Variants in RAPGEF4 observed in about 807,000 individuals in gnomAD.
The protein encoded by RAPGEF4 is Rap guanine nucleotide exchange factor 4.
In RAPGEF4, 66 loss-of-function variants were observed where a neutral mutation model predicts 147.9. The ratio of observed to expected loss-of-function variants is 0.45; its 90% CI spans 0.37 to 0.55. The LOEUF (loss-of-function observed/expected upper bound fraction) is 0.55, where lower values mean the gene tolerates loss of function less well. RAPGEF4 is among the 20% of genes least tolerant of loss of function. The pLI is 0.00. For missense variants in RAPGEF4, 1,071 were observed against 1,257.3 expected, an observed-to-expected ratio of 0.85 and a Z score of 2.24; for synonymous variants, 419 against 442.7, an observed-to-expected ratio of 0.95 and a Z score of 0.67.
At chr2:172,844,845 T>C (rs16860971) in intron 4 of RAPGEF4, among the ~76,000 whole-genome samples, 17,314 of 152,296 alleles carry the variant, frequency 0.11, 1,024 homozygotes, top group South Asian at 0.18. Flanking sequence ...TTTAATGTCA[T>C]CTACGATGTG....
chr2:172,798,274 AAAAG>A (rs1188741515), intron 3 of RAPGEF4, among the ~76,000 whole-genome samples: 9 of 152,248 alleles, frequency 5.9e-5, no homozygotes, highest in East Asian at 3.9e-4. Flanking sequence ...ACAAAATTAA[AAAAG>A]AAAGAAAGAA....
At chr2:172,791,249 A>C (rs1381770474) in intron 1 of RAPGEF4, among the ~76,000 whole-genome samples, 1 of 152,142 alleles carries the variant, frequency 6.6e-6, no homozygotes, top group African/African-American at 2.4e-5. Flanking sequence ...TGCTATTTAG[A>C]CCATAGCAGA....
rs146108925 is a variant in RAPGEF4, at chr2:172,989,942, A to T, written c.1375-868A>T. ...CTTGTGTCTGGACATCAATCCCTACATGGCCTTAAGCATTTGCCTTTGGTG... is the reference window on the plus strand; with the variant it reads ...CTTGTGTCTGGACATCAATCCCTACTTGGCCTTAAGCATTTGCCTTTGGTG... On this transcript the variant is annotated intron_variant, in intron 14 of 30. Coordinates refer to ENST00000397081, the MANE Select transcript of RAPGEF4 (RefSeq NM_007023.4). Among the ~76,000 whole-genome samples the T allele has an allele frequency of 4.4e-3, 666 of 150,672 alleles. 3 individuals are homozygous for T. Among genetic ancestry groups the T allele is most frequent in the Non-Finnish European group, 4.3e-3 (290 of 67,850 alleles).
intron 4 of RAPGEF4, among the ~76,000 whole-genome samples, chr2:172,906,175 T>C (rs1699608580): frequency 6.6e-6 from 1 of 152,224 alleles, no homozygotes; most frequent in African/African-American, 2.4e-5. Context: ...TTCTAAGCTA[T>C]TCTACTGTCT....
intron 26 of RAPGEF4, among the ~76,000 whole-genome samples, chr2:173,031,507 G>A (rs989782725): frequency 3.3e-5 from 5 of 152,184 alleles, no homozygotes; most frequent in African/African-American, 4.8e-5. Flanking sequence ...CTGCCACAGA[G>A]TCCAAATTAG....
chr2:173,008,226 C>A (rs1305552389), intron 17 of RAPGEF4, among the ~76,000 whole-genome samples: 1 of 152,146 alleles, frequency 6.6e-6, no homozygotes, highest in African/African-American at 2.4e-5. Context: ...TTTCCTGAGG[C>A]CTCCCCAGCC....
intron 13 of RAPGEF4, 30 bp downstream of exon 13, chr2:172,988,302 T>C (rs771122931): frequency 6.3e-7 from 1 of 1,589,398 alleles, no homozygotes; most frequent in East Asian, 2.3e-5. Flanking sequence ...TTTGAAACTT[T>C]ATTACGCTCC....
In RAPGEF4 at chr2:172,795,177, G is replaced by T; in HGVS notation, c.208+10G>T. 1 of 1,595,590 alleles carries T rather than the reference G, an allele frequency of 6.3e-7. No individual in the cohort carries two copies. Among genetic ancestry groups the T allele is most frequent in the Non-Finnish European group, 8.6e-7 (1 of 1,164,354 alleles). On this transcript the variant is annotated intron_variant, in intron 2 of 30. Transcript: ENST00000397081. ...GAAAAGGGAATAACATGTAAGAAAT[G>T]CAACTCTTGTAGTATATTTCCATGT...
At chr2:172,849,155 T>C (rs1359013380) in intron 4 of RAPGEF4, among the ~76,000 whole-genome samples, 1 of 152,082 alleles carries the variant, frequency 6.6e-6, no homozygotes, top group East Asian at 1.9e-4. Flanking sequence ...ATTCAGTCAG[T>C]CTCTGATTTA....
intron 16 of RAPGEF4, among the ~76,000 whole-genome samples, chr2:172,997,601 G>C (rs976933234): frequency 6.6e-6 from 1 of 151,938 alleles, no homozygotes; most frequent in African/African-American, 2.4e-5. Context: ...TTCCACTTTG[G>C]TTACCATCTT....
intron 1 of RAPGEF4, among the ~76,000 whole-genome samples, chr2:172,784,822 G>C (rs1243019066): frequency 6.6e-6 from 1 of 151,174 alleles, no homozygotes; most frequent in Non-Finnish European, 1.5e-5. Flanking sequence ...TGTAAAATGA[G>C]ATTCTATTTT....
intron 17 of RAPGEF4, among the ~76,000 whole-genome samples, chr2:173,009,365 C>T (rs1259737063): frequency 6.6e-6 from 1 of 152,100 alleles, no homozygotes; most frequent in Non-Finnish European, 1.5e-5. Flanking sequence ...ATATTGAAGG[C>T]TTTTGTGTGC....
chr2:172,935,010 C>G (rs1686404864), intron 6 of RAPGEF4, among the ~76,000 whole-genome samples: 1 of 152,116 alleles, frequency 6.6e-6, no homozygotes, highest in Non-Finnish European at 1.5e-5. Context: ...GGCCCTGTCA[C>G]TACAAAAAAT....
intron 4 of RAPGEF4, among the ~76,000 whole-genome samples, chr2:172,863,784 T>C (rs1166937413): frequency 2.6e-5 from 4 of 152,228 alleles, no homozygotes; most frequent in Non-Finnish European, 5.9e-5. Context: ...AGGAGCGATG[T>C]TGTAAACATA....
intron 1 of RAPGEF4, among the ~76,000 whole-genome samples, chr2:172,774,100 A>T (rs1473645953): frequency 6.6e-6 from 1 of 152,206 alleles, no homozygotes; most frequent in Non-Finnish European, 1.5e-5. Flanking sequence ...GACATTGGAG[A>T]GAGAAGAGAG....
chr2:173,034,367 G>C (rs1683638603), intron 27 of RAPGEF4, among the ~76,000 whole-genome samples: 2 of 152,174 alleles, frequency 1.3e-5, no homozygotes. Context: ...GGGCAAATCG[G>C]GACAGGGATC....
intron 6 of RAPGEF4, among the ~76,000 whole-genome samples, chr2:172,930,826 TAAAAG>T (rs1685842959): frequency 6.6e-6 from 1 of 152,062 alleles, no homozygotes; most frequent in Non-Finnish European, 1.5e-5. Context: ...CATCCAGACA[TAAAAG>T]AAACTTGGGA....
intron 21 of RAPGEF4, 35 bp downstream of exon 21, chr2:173,017,539 T>G (rs758919098): frequency 6.4e-7 from 1 of 1,555,016 alleles, no homozygotes; most frequent in Non-Finnish European, 8.9e-7. Flanking sequence ...CGTAGTTGTA[T>G]AGATTATTTA....
At chr2:173,048,105 G>A (rs1685728273) in intron 29 of RAPGEF4, 1 of 153,038 alleles carries the variant, frequency 6.5e-6, no homozygotes, top group African/African-American at 2.4e-5. Context: ...AGATTAGAGA[G>A]GTCAGTAATA....
Sources: allele counts gnomAD v4.1 joint callset (sites outside exome capture counted in the v4.1 genomes callset), GRCh38; gene constraint gnomAD v4.1.1; transcripts MANE v1.5; gene names NCBI Gene and HGNC (gene_info 2026-07-23, HGNC 2026-07-21).